The following IGBP1 variants were observed in gnomAD, a reference collection of about 807,000 sequenced individuals.
The protein encoded by IGBP1 is immunoglobulin binding protein 1, also known as immunoglobulin-binding protein 1.
A neutral mutation model predicts 25.9 loss-of-function variants in IGBP1; 2 were observed. That is an observed-to-expected ratio of 0.08 (90% confidence interval 0.03 to 0.24). IGBP1 has a LOEUF of 0.24. Ranked by LOEUF, IGBP1 falls within the 10% of genes least tolerant of loss-of-function variation. The pLI, the probability that IGBP1 is intolerant of heterozygous loss-of-function variation, is 1.00. For missense variants in IGBP1, 187 were observed against 260.4 expected (o/e 0.72, Z 1.94); for synonymous variants, 96 against 93.4 (o/e 1.03, Z -0.16).
In IGBP1 at chrX:70,161,813, C is replaced by CA. The variant is rs762705369; in HGVS notation, c.872-4014dup. Among the ~76,000 whole-genome samples, 3 of 111,203 alleles carry CA rather than the reference C, an allele frequency of 2.7e-5. No homozygotes were observed. The South Asian group carries it at 1.1e-3, about 43-fold the overall frequency. On this transcript the variant is annotated intron_variant, in intron 6 of 6. Transcript: ENST00000356413. ...CTCTCTGTACTAGAAAACAAGAGCT[C>CA]AAAAAACTGTTGGGGTGTTAAAGGA...
Position 70,166,082 on chromosome X carries a change from C to T in IGBP1, c.*101C>T, listed in dbSNP as rs1602681136. 10 of 837,001 alleles carry T rather than the reference C, an allele frequency of 1.2e-5. No individual in the cohort carries two copies. Among genetic ancestry groups the T allele is most frequent in the Admixed American group, 2.9e-5 (1 of 34,518 alleles). The allele number at this position is 837,001 out of a possible 1,213,427, so 69.0% of individuals were successfully genotyped here. A position where few individuals can be genotyped will look rare whatever the true frequency, so the allele number is the denominator to read the frequency against. ...GGTCTCCTGCTTCAGCTCTGTACAA[C>T]GAGGGCAAAGATGCTAAATCTTGCT... On this transcript the variant is annotated 3_prime_UTR_variant, in exon 7 of 7. Coordinates refer to ENST00000356413, the MANE Select transcript of IGBP1 (RefSeq NM_001551.3).
At chrX:70,137,659 T>C (rs1351244908) in intron 3 of IGBP1, among the ~76,000 whole-genome samples, 1 of 107,635 alleles carries the variant, frequency 9.3e-6, no homozygotes, top group African/African-American at 3.4e-5. Context: ...CGAAATGGAA[T>C]TTAACATCCT....
rs758806158 is a variant in IGBP1, at chrX:70,133,928, C to T, written c.-20C>T. ...CTTTGACCCCGGAAAAGAGATCTTC[C>T]GGGTTCCTCTCTCCCCAAGATGGCT... On this transcript the variant is annotated 5_prime_UTR_variant, in exon 2 of 7. Coordinates refer to ENST00000356413, the MANE Select transcript of IGBP1 (RefSeq NM_001551.3). 5 of 1,204,618 alleles carry T rather than the reference C, an allele frequency of 4.2e-6. No individual in the cohort carries two copies. Among genetic ancestry groups the T allele is most frequent in the South Asian group, 3.5e-5 (2 of 56,443 alleles).
At chrX:70,157,384 G>A (rs1314491260) in intron 6 of IGBP1, among the ~76,000 whole-genome samples, 1 of 111,143 alleles carries the variant, frequency 9.0e-6, no homozygotes, top group Non-Finnish European at 1.9e-5. Context: ...TTGGACACGT[G>A]TATACTCCCA....
Position 70,144,523 on chromosome X carries a change from A to G in IGBP1, c.483-2110A>G, listed in dbSNP as rs775146148. Among the ~76,000 whole-genome samples the G allele has an allele frequency of 1.7e-4, 19 of 111,215 alleles. No homozygotes were observed. The East Asian group carries it at 5.4e-3, about 31-fold the overall frequency. On this transcript the variant is annotated intron_variant, in intron 3 of 6. Coordinates refer to ENST00000356413, the MANE Select transcript of IGBP1 (RefSeq NM_001551.3). ...GTAGTTCTTTGTAGTGTTTTACTCA[A>G]AAAGCTTCTTAGGATGATGATGTGT...
intron 6 of IGBP1, among the ~76,000 whole-genome samples, chrX:70,154,477 C>T (rs868685472): frequency 3.7e-5 from 4 of 107,691 alleles, no homozygotes; most frequent in Non-Finnish European, 7.7e-5. Flanking sequence ...AATGAGAAAA[C>T]AAGCCACAAC....
At chrX:70,143,932 C>T (rs1026693881) in intron 3 of IGBP1, among the ~76,000 whole-genome samples, 1 of 112,398 alleles carries the variant, frequency 8.9e-6, no homozygotes, top group African/African-American at 3.2e-5. Context: ...TGGCTCACGC[C>T]TGGAACGCAC....
intron 6 of IGBP1, 25 bp downstream of exon 6, chrX:70,150,347 G>A (rs762755413): frequency 1.1e-6 from 1 of 939,618 alleles, no homozygotes; most frequent in Non-Finnish European, 1.5e-6. Flanking sequence ...GAGGGAAATA[G>A]TTGTACCACT....
intron 4 of IGBP1, 85 bp from the exon 5 acceptor site, chrX:70,148,676 T>G (rs1262580863): frequency 6.3e-6 from 4 of 634,803 alleles, no homozygotes; most frequent in Non-Finnish European, 1.0e-5. Context: ...ATCCAGAGCT[T>G]TTCAAGCACC....
chrX:70,156,446 T>C (rs571832597), intron 6 of IGBP1, among the ~76,000 whole-genome samples: 3 of 111,762 alleles, frequency 2.7e-5, no homozygotes, highest in Middle Eastern at 4.6e-3. Flanking sequence ...TTTTCAAAAA[T>C]TGAAATCACA....
At chrX:70,140,236 CCTGCCATAGAG>C (rs1468018931) in intron 3 of IGBP1, among the ~76,000 whole-genome samples, 3 of 112,054 alleles carry the variant, frequency 2.7e-5, no homozygotes, top group Non-Finnish European at 5.6e-5. Flanking sequence ...CTATGTTATG[CCTGCCATAGAG>C]CTTGGCATAT....
intron 6 of IGBP1, among the ~76,000 whole-genome samples, chrX:70,155,018 G>C (rs1181825336): frequency 9.0e-6 from 1 of 111,624 alleles, no homozygotes; most frequent in East Asian, 2.8e-4. Context: ...CATGTCATTA[G>C]GGCAATGCAA....
rs370975783 is a variant in IGBP1 at position 70,165,826 on chromosome X, A to G, written c.872-7A>G. ...TCTCACCTCCCTTTCTAATTTTTCC[A>G]CTTTAGAGGAATTCAGAAAAGCAGC... On this transcript the variant is annotated splice_polypyrimidine_tract_variant and splice_region_variant and intron_variant, in intron 6 of 6. Coordinates refer to ENST00000356413, the MANE Select transcript of IGBP1 (RefSeq NM_001551.3). 13 of 1,199,531 alleles carry G rather than the reference A, an allele frequency of 1.1e-5. No homozygotes were observed. In the East Asian group the frequency reaches 1.5e-4, roughly 14 times the overall value.
intron 4 of IGBP1, among the ~76,000 whole-genome samples, chrX:70,147,523 A>G (rs998043026): frequency 9.0e-6 from 1 of 111,650 alleles, no homozygotes; most frequent in Non-Finnish European, 1.9e-5. Context: ...AAGAGTAGGA[A>G]GAGTGAAATA....
At chrX:70,144,713 G>A (rs1468012803) in intron 3 of IGBP1, among the ~76,000 whole-genome samples, 1 of 87,174 alleles carries the variant, frequency 1.1e-5, no homozygotes, top group Non-Finnish European at 2.1e-5. Flanking sequence ...AGGCTGGAAT[G>A]CAGTGGCACG....
intron 3 of IGBP1, among the ~76,000 whole-genome samples, chrX:70,143,217 C>T (rs1318752406): frequency 4.5e-5 from 5 of 111,357 alleles, no homozygotes; most frequent in African/African-American, 1.6e-4. Context: ...CCACTGCGCC[C>T]GGCCGAGATG....
intron 3 of IGBP1, among the ~76,000 whole-genome samples, chrX:70,136,892 A>T (rs1238656979): frequency 9.1e-6 from 1 of 109,875 alleles, no homozygotes; most frequent in Non-Finnish European, 1.9e-5. Flanking sequence ...TTTTTAGTAG[A>T]GATGGGGTTT....
intron 4 of IGBP1, among the ~76,000 whole-genome samples, chrX:70,147,296 G>A (rs988498339): frequency 4.5e-5 from 5 of 110,832 alleles, no homozygotes; most frequent in Admixed American, 2.9e-4. Flanking sequence ...GGTGGTGCGC[G>A]TCTGTGATCC....
At chrX:70,158,269 A>C (rs1158533840) in intron 6 of IGBP1, among the ~76,000 whole-genome samples, 4 of 111,868 alleles carry the variant, frequency 3.6e-5, no homozygotes, top group Non-Finnish European at 7.5e-5. Context: ...CCCTTCCAGG[A>C]CAGGGACTCA....
Sources: allele counts gnomAD v4.1 joint callset (sites outside exome capture counted in the v4.1 genomes callset), GRCh38; gene constraint gnomAD v4.1.1; transcripts MANE v1.5; gene names NCBI Gene and HGNC (gene_info 2026-07-23, HGNC 2026-07-21).